The following CAMK4 variants were observed in gnomAD, a reference collection of about 807,000 sequenced individuals.
CAMK4 encodes the protein calcium/calmodulin dependent protein kinase IV.
A neutral mutation model predicts 44.9 loss-of-function variants in CAMK4; 22 were observed. The ratio of observed to expected loss-of-function variants is 0.49; its 90% CI spans 0.35 to 0.70. The LOEUF (loss-of-function observed/expected upper bound fraction) is 0.70. Ranked by LOEUF, CAMK4 falls within the 30% of genes least tolerant of loss-of-function variation. CAMK4 has a pLI of 0.01. For missense variants in CAMK4, 498 were observed against 586.8 expected (o/e 0.85, Z 1.56); for synonymous variants, 218 against 215.4 (o/e 1.01, Z -0.11).
At chr5:111,374,581 G>A (rs1751138471) in intron 2 of CAMK4, among the ~76,000 whole-genome samples, 1 of 152,234 alleles carries the variant, frequency 6.6e-6, no homozygotes, top group South Asian at 2.1e-4. Context: ...TTGTGACAGT[G>A]ATGACTTTTG....
chr5:111,245,507 G>A (rs1561358980), intron 1 of CAMK4, among the ~76,000 whole-genome samples: 1 of 151,942 alleles, frequency 6.6e-6, no homozygotes, highest in Non-Finnish European at 1.5e-5. Flanking sequence ...TTCCTTTCTT[G>A]GTCTACTTTC....
At chr5:111,288,725 G>C (rs1392646808) in intron 1 of CAMK4, among the ~76,000 whole-genome samples, 2 of 152,126 alleles carry the variant, frequency 1.3e-5, no homozygotes, top group East Asian at 3.9e-4. Flanking sequence ...CTGTACTAGA[G>C]AGTGTAGTCC....
intron 1 of CAMK4, among the ~76,000 whole-genome samples, chr5:111,245,648 T>C (rs1749200478): frequency 6.6e-6 from 1 of 152,242 alleles, no homozygotes; most frequent in Non-Finnish European, 1.5e-5. Flanking sequence ...CTTCTCCAAC[T>C]GATTCCCTGA....
intron 5 of CAMK4, among the ~76,000 whole-genome samples, chr5:111,438,920 C>T (rs1477865365): frequency 1.3e-5 from 2 of 152,116 alleles, no homozygotes; most frequent in African/African-American, 2.4e-5. Flanking sequence ...ATTTCTGCCT[C>T]GCCTTGAAAA....
At chr5:111,419,965 T>A (rs980253653) in intron 5 of CAMK4, among the ~76,000 whole-genome samples, 58 of 152,272 alleles carry the variant, frequency 3.8e-4, no homozygotes, top group African/African-American at 1.3e-3. Flanking sequence ...AAGTAGTTTT[T>A]TCCAATTCTG....
At chr5:111,260,428 C>T (rs1749925065) in intron 1 of CAMK4, among the ~76,000 whole-genome samples, 1 of 152,196 alleles carries the variant, frequency 6.6e-6, no homozygotes, top group Non-Finnish European at 1.5e-5. Context: ...CTGCCTTCTT[C>T]ACTGGTTTCT....
At position 111,493,084 on chromosome 5, in the gene CAMK4, G is replaced by A. The variant is rs931550276; in HGVS notation, c.*8618G>A. ...TAAATGTGAAAGGCTGAAATACACA[G>A]GGAAGTGTTGCCAGTGTGCAACAGA... On this transcript the variant is annotated 3_prime_UTR_variant, in exon 11 of 11. Coordinates refer to ENST00000282356, the MANE Select transcript of CAMK4 (RefSeq NM_001744.6). The surrounding 1 kb of genome is among the most constrained non-coding windows in gnomAD (Gnocchi z 4.1). The A allele has an allele frequency of 2.6e-5, 4 of 152,162 alleles. No individual in the cohort carries two copies. Among genetic ancestry groups the A allele is most frequent in the Non-Finnish European group, 5.9e-5 (4 of 68,052 alleles). 9.4% of individuals were successfully genotyped at this position (152,162 alleles called of 1,614,324 possible).
chr5:111,407,102 C>T lies in CAMK4; in HGVS notation c.459+12320C>T, dbSNP rs144462784. Among the ~76,000 whole-genome samples, 1,065 of 152,108 alleles carry T rather than the reference C, an allele frequency of 7.0e-3. 8 individuals are homozygous for T. The highest frequency in any genetic ancestry group is 0.025 in the African/African-American group (1,024 of 41,508). On this transcript the variant is annotated intron_variant, in intron 5 of 10. Coordinates refer to ENST00000282356, the MANE Select transcript of CAMK4 (RefSeq NM_001744.6). ...GGTGCGATGGCTCATGCCTGTAATC[C>T]CAGCACTTTGGGAGGTCAAAGCAGG...
At chr5:111,483,782 C>G (rs1390793255) in intron 10 of CAMK4, among the ~76,000 whole-genome samples, 1 of 152,166 alleles carries the variant, frequency 6.6e-6, no homozygotes, top group East Asian at 1.9e-4. Flanking sequence ...CAGGTAAACA[C>G]ATGTATTCAG....
intron 1 of CAMK4, among the ~76,000 whole-genome samples, chr5:111,280,666 C>T (rs548618720): frequency 2.0e-5 from 3 of 152,176 alleles, no homozygotes; most frequent in Admixed American, 6.5e-5. Context: ...TGCTGAGACA[C>T]GTGCAGCCGT....
chr5:111,354,099 C>A (rs62375652), intron 2 of CAMK4, among the ~76,000 whole-genome samples: 6 of 152,152 alleles, frequency 3.9e-5, no homozygotes, highest in Non-Finnish European at 5.9e-5. Flanking sequence ...GTATGGATAA[C>A]CTTAAGAAGG....
At chr5:111,442,100 A>G (rs937961655) in intron 5 of CAMK4, among the ~76,000 whole-genome samples, 7 of 152,310 alleles carry the variant, frequency 4.6e-5, no homozygotes, top group East Asian at 3.9e-4. Context: ...AGATGCTCCA[A>G]GATAGCAGTT....
chr5:111,423,364 G>GA (rs1237452468), intron 5 of CAMK4, among the ~76,000 whole-genome samples: 1 of 152,154 alleles, frequency 6.6e-6, no homozygotes, highest in African/African-American at 2.4e-5. Context: ...AATCTAAGTT[G>GA]AAAACATAAT....
chr5:111,435,963 A>T (rs1753631088), intron 5 of CAMK4, among the ~76,000 whole-genome samples: 1 of 152,130 alleles, frequency 6.6e-6, no homozygotes, highest in Non-Finnish European at 1.5e-5. Flanking sequence ...ATTGCACATA[A>T]ATTGTTCCAG....
At chr5:111,343,472 C>G (rs1338050032) in intron 1 of CAMK4, among the ~76,000 whole-genome samples, 2 of 151,718 alleles carry the variant, frequency 1.3e-5, no homozygotes, top group Non-Finnish European at 2.9e-5. Flanking sequence ...ATTAATAACC[C>G]TGTACATATG....
At chr5:111,419,009 A>G (rs1027640603) in intron 5 of CAMK4, among the ~76,000 whole-genome samples, 4 of 152,122 alleles carry the variant, frequency 2.6e-5, no homozygotes, top group African/African-American at 9.7e-5. Flanking sequence ...ATCCCTGAGG[A>G]ATCGCCACAC....
intron 2 of CAMK4, among the ~76,000 whole-genome samples, chr5:111,356,655 T>G: frequency 6.6e-6 from 1 of 152,220 alleles, no homozygotes; most frequent in African/African-American, 2.4e-5. Context: ...TGTAAGTCTT[T>G]TATCCATCTT....
Position 111,484,395 on chromosome 5 carries a change from A to G in CAMK4, c.1351A>G (p.Arg451Gly). ...LKTVEEAAAP[R>G]EGQGSSAVGF... ...GACTGTGGAGGAGGCAGCAGCTCCC[A>G]GAGAAGGGCAAGGAAGCTCTGCTGT... Residue 451 changes from arginine (R) to glycine (G), a missense_variant, in exon 11 of 11, where the codon AGA becomes GGA. By Grantham distance (125) the Arg-to-Gly change is moderately radical. This residue lies in a region of CAMK4 where 143 missense variants were observed against 144.9 expected (regional missense o/e 0.99). Transcript: ENST00000282356. The surrounding 1 kb of genome is among the most constrained non-coding windows in gnomAD (Gnocchi z 5.3). 6.3e-7 allele frequency: 1 copy of G among 1,584,116 alleles called. No homozygotes were observed. Among genetic ancestry groups the G allele is most frequent in the African/African-American group, 1.4e-5 (1 of 73,738 alleles).
At chr5:111,399,910 T>C (rs367953834) in intron 5 of CAMK4, among the ~76,000 whole-genome samples, 9 of 152,186 alleles carry the variant, frequency 5.9e-5, no homozygotes, top group African/African-American at 1.7e-4. Context: ...GGAAACTCTC[T>C]TATTCAATTG....
Sources: gnomAD v4.1 joint callset for allele counts (sites outside exome capture counted in the v4.1 genomes callset) on GRCh38, gnomAD v4.1.1 for gene constraint, gnomAD v4.1.1 regional missense constraint, Gnocchi (gnomAD v3.1) non-coding constraint, MANE v1.5 for transcripts, NCBI Gene and HGNC (gene_info 2026-07-23, HGNC 2026-07-21) for gene names.